The following ANKRD28 variants were observed in gnomAD, a reference collection of about 807,000 sequenced individuals.
The protein encoded by ANKRD28 is ankyrin repeat domain 28.
In ANKRD28, 44 loss-of-function variants were observed where a neutral mutation model predicts 126.5. The observed-to-expected ratio is 0.35, with a 90% CI of 0.27 to 0.45. The LOEUF (loss-of-function observed/expected upper bound fraction) is 0.45. Among genes scored for constraint, ANKRD28 ranks in the 20% least tolerant of loss-of-function variants. ANKRD28 has a pLI of 1.00. For missense variants in ANKRD28, 1,110 were observed against 1,316.6 expected (o/e 0.84, Z 2.43); for synonymous variants, 442 against 468.5 (o/e 0.94, Z 0.73).
chr3:15,831,484 T>C (rs2061189055), intron 1 of ANKRD28, among the ~76,000 whole-genome samples: 1 of 152,198 alleles, frequency 6.6e-6, no homozygotes, highest in Admixed American at 6.5e-5. Context: ...CCCTGGCCTC[T>C]GTCCAATAGG....
chr3:15,756,792 CG>C (rs1376908061), intron 3 of ANKRD28, among the ~76,000 whole-genome samples: 1 of 152,136 alleles, frequency 6.6e-6, no homozygotes, highest in Non-Finnish European at 1.5e-5. Flanking sequence ...ACTCTTTCTG[CG>C]AAGTTCTACA....
intron 12 of ANKRD28, among the ~76,000 whole-genome samples, chr3:15,710,203 T>A (rs1385209172): frequency 6.6e-6 from 1 of 152,194 alleles, no homozygotes; most frequent in African/African-American, 2.4e-5. Flanking sequence ...ATGAGTCCTG[T>A]CAGCTTTCCC....
At chr3:15,776,357 A>C (rs1413119892) in intron 2 of ANKRD28, among the ~76,000 whole-genome samples, 1 of 152,252 alleles carries the variant, frequency 6.6e-6, no homozygotes, top group Non-Finnish European at 1.5e-5. Flanking sequence ...ATAGAAAAAA[A>C]ATGTGAAACA....
chr3:15,820,401 A>AAT (rs1417238108), intron 1 of ANKRD28, among the ~76,000 whole-genome samples: 2 of 152,216 alleles, frequency 1.3e-5, no homozygotes, highest in African/African-American at 4.8e-5. Flanking sequence ...AAAAAAGAGG[A>AAT]ATATGTTAAA....
Position 15,667,533 on chromosome 3 carries a change from T to G in ANKRD28, c.*2737A>C, listed in dbSNP as rs1018970478. ...ATAAGAAACACTACAGAACAGGGCC[T>G]GAATGCTTTAGACATACAAGGTGTA... On this transcript the variant is annotated 3_prime_UTR_variant, in exon 28 of 28. Coordinates refer to ENST00000683139, the MANE Select transcript of ANKRD28 (RefSeq NM_001349278.2). 1 of 152,250 alleles carries G rather than the reference T, an allele frequency of 6.6e-6. No individual in the cohort carries two copies. The highest frequency in any genetic ancestry group is 2.4e-5 in the African/African-American group (1 of 41,464). The allele number at this position is 152,250 out of a possible 1,614,324, so 9.4% of individuals were successfully genotyped here.
At chr3:15,798,693 C>CG (rs2060382972), upstream of ANKRD28, among the ~76,000 whole-genome samples, 1 of 151,844 alleles carries the variant, frequency 6.6e-6, no homozygotes, top group Non-Finnish European at 1.5e-5. Context: ...CAAAAGGGCA[C>CG]AGGGTAATAC....
chr3:15,676,080 C>T (rs2066905817), intron 26 of ANKRD28, 91 bp from the exon 27 acceptor site: 5 of 1,030,584 alleles, frequency 4.9e-6, no homozygotes, highest in Admixed American at 2.5e-5. Flanking sequence ...TTTTTGTCAA[C>T]TTGTGAAGAC....
chr3:15,737,518 G>A (rs1396016857), intron 4 of ANKRD28, among the ~76,000 whole-genome samples: 1 of 152,152 alleles, frequency 6.6e-6, no homozygotes, highest in Non-Finnish European at 1.5e-5. Context: ...ATCAAAATGT[G>A]CAAGAGAGCA....
At chr3:15,730,869 GA>G (rs2074541462) in intron 6 of ANKRD28, among the ~76,000 whole-genome samples, 1 of 152,148 alleles carries the variant, frequency 6.6e-6, no homozygotes, top group Admixed American at 6.5e-5. Context: ...TAAGAGGTGG[GA>G]ACTTTAAGAG....
At chr3:15,767,846 C>T (rs564731371) in intron 2 of ANKRD28, among the ~76,000 whole-genome samples, 1 of 151,628 alleles carries the variant, frequency 6.6e-6, no homozygotes, top group South Asian at 2.1e-4. Context: ...TGAGATGGCG[C>T]CACTGCACTC....
intron 1 of ANKRD28, among the ~76,000 whole-genome samples, chr3:15,818,374 A>T: frequency 6.6e-6 from 1 of 152,230 alleles, no homozygotes; most frequent in South Asian, 2.1e-4. Context: ...TCATGCACAA[A>T]TTTAAAATAG....
rs141802839 is a variant in ANKRD28, at chr3:15,835,985, T to C, written c.27+23392A>G. ...TTTCTTCTCTTAAGAGGTAACTGCA[T>C]AGAACAACTATAAAACTGTATTGTC... On this transcript the variant is annotated intron_variant, in intron 1 of 27. Transcript: ENST00000399451. Among the ~76,000 whole-genome samples, 278 of 152,244 alleles carry C rather than the reference T, an allele frequency of 1.8e-3. 1 individual carries two copies. The highest frequency in any genetic ancestry group is 6.2e-3 in the African/African-American group (258 of 41,548).
chr3:15,675,133 C>T (rs922007520), intron 27 of ANKRD28, among the ~76,000 whole-genome samples: 3 of 151,966 alleles, frequency 2.0e-5, no homozygotes, highest in African/African-American at 7.3e-5. Flanking sequence ...AGCCAGGCGT[C>T]GTGGCAGGTG....
At chr3:15,735,377 T>TAA in intron 6 of ANKRD28, 33 bp downstream of exon 6, 1 of 1,467,546 alleles carries the variant, frequency 6.8e-7, no homozygotes, top group East Asian at 2.5e-5. Context: ...TCTAAATATA[T>TAA]AATATCAAAA....
chr3:15,677,340 T>C (rs1017095082), intron 25 of ANKRD28, 140 bp downstream of exon 25: 2 of 649,082 alleles, frequency 3.1e-6, no homozygotes, highest in African/African-American at 1.8e-5. Context: ...GCCTTATAAG[T>C]CAATTTTGTT....
At position 15,727,564 on chromosome 3, in the gene ANKRD28, CAAAAAA is replaced by C. The variant is rs59584114; in HGVS notation, c.641-3046_641-3041del. Among the ~76,000 whole-genome samples, 48 of 65,948 alleles carry C rather than the reference CAAAAAA, an allele frequency of 7.3e-4. 1 individual carries two copies. Among genetic ancestry groups the C allele is most frequent in the East Asian group, 5.5e-3 (10 of 1,824 alleles). 43.3% of individuals were successfully genotyped at this position (65,948 alleles called of 152,430 possible). ...CCTGGGCAACAAAGCGAAACTCTGT[CAAAAAA>C]AAAAAAAAAAAAAAAAAAAAGAAAG... is the stretch of plus-strand genomic sequence containing the variant. On this transcript the variant is annotated intron_variant, in intron 6 of 27. Coordinates refer to ENST00000683139, the MANE Select transcript of ANKRD28 (RefSeq NM_001349278.2).
Position 15,689,816 on chromosome 3 carries a change from C to A in ANKRD28, c.1963+203G>T, listed in dbSNP as rs946161478. The A allele has an allele frequency of 7.2e-6, 4 of 554,030 alleles. No individual in the cohort carries two copies. In the African/African-American group the frequency reaches 7.6e-5, roughly 10 times the overall value. 34.3% of individuals were successfully genotyped at this position (554,030 alleles called of 1,614,324 possible). On this transcript the variant is annotated intron_variant, in intron 18 of 27. Coordinates refer to ENST00000683139, the MANE Select transcript of ANKRD28 (RefSeq NM_001349278.2). ...TAAGTTCCCTGAACACTGGGATACT[C>A]CTAATGTTTATGAATGACGGAGGCT...
At chr3:15,770,970 A>G (rs1393497487) in intron 2 of ANKRD28, among the ~76,000 whole-genome samples, 2 of 152,214 alleles carry the variant, frequency 1.3e-5, no homozygotes, top group Non-Finnish European at 2.9e-5. Flanking sequence ...TTTACTGTGT[A>G]AAATTATTGT....
intron 4 of ANKRD28, among the ~76,000 whole-genome samples, chr3:15,744,292 A>G (rs2057323674): frequency 6.6e-6 from 1 of 152,080 alleles, no homozygotes. Flanking sequence ...TCAATACTAC[A>G]TAGCCTTGTA....
Sources: gnomAD v4.1 joint callset for allele counts (sites outside exome capture counted in the v4.1 genomes callset) on GRCh38, gnomAD v4.1.1 for gene constraint, MANE v1.5 for transcripts, NCBI Gene and HGNC (gene_info 2026-07-23, HGNC 2026-07-21) for gene names.